Variants in CTIF observed in about 807,000 individuals in gnomAD.
The protein encoded by CTIF is CBP80/20-dependent translation initiation factor.
Under a neutral mutation model 66.0 loss-of-function variants are expected in CTIF, and 21 were observed. The ratio of observed to expected loss-of-function variants is 0.32; its 90% confidence interval spans 0.23 to 0.46. The LOEUF (loss-of-function observed/expected upper bound fraction) is 0.46, where lower values mean the gene tolerates loss of function less well. Among genes scored for constraint, CTIF ranks in the 20% least tolerant of loss-of-function variants. The pLI is 1.00. For synonymous variants in CTIF, 345 were observed against 326.4 expected, an observed-to-expected ratio of 1.06 and a Z score of -0.62; for missense variants, 739 against 812.7, an observed-to-expected ratio of 0.91 and a Z score of 1.10.
chr18:48,639,409 A>C (rs1431464684), intron 3 of CTIF, among the ~76,000 whole-genome samples: 2 of 152,004 alleles, frequency 1.3e-5, no homozygotes, highest in Non-Finnish European at 2.9e-5. Flanking sequence ...AAAAAAATGC[A>C]CCCTGCACGG....
At chr18:48,613,820 C>T (rs924726766) in intron 1 of CTIF, among the ~76,000 whole-genome samples, 33 of 152,186 alleles carry the variant, frequency 2.2e-4, no homozygotes, top group Admixed American at 6.5e-4. Flanking sequence ...TGCTGCAGCC[C>T]GGGCCCTCTG....
At chr18:48,790,154 G>A (rs1381202317) in intron 9 of CTIF, among the ~76,000 whole-genome samples, 1 of 152,220 alleles carries the variant, frequency 6.6e-6, no homozygotes, top group East Asian at 1.9e-4. Flanking sequence ...TATGTCCTTT[G>A]GAGAAGGAAA....
At chr18:48,706,236 A>G (rs2092152345) in intron 6 of CTIF, among the ~76,000 whole-genome samples, 2 of 152,178 alleles carry the variant, frequency 1.3e-5, no homozygotes, top group African/African-American at 2.4e-5. Context: ...TCATTAGAAT[A>G]TGTGCTCTGT....
At chr18:48,548,355 G>A (rs1413836014) in intron 1 of CTIF, among the ~76,000 whole-genome samples, 1 of 152,224 alleles carries the variant, frequency 6.6e-6, no homozygotes, top group Non-Finnish European at 1.5e-5. Context: ...AAAGTGACCT[G>A]CTAGAGAATT....
At chr18:48,746,735 A>C (rs1401195346) in intron 7 of CTIF, among the ~76,000 whole-genome samples, 1 of 152,026 alleles carries the variant, frequency 6.6e-6, no homozygotes, top group Non-Finnish European at 1.5e-5. Flanking sequence ...TGCCAAGTCC[A>C]GCCCCCTGGC....
At chr18:48,694,857 C>T (rs992509361) in intron 6 of CTIF, among the ~76,000 whole-genome samples, 1 of 151,152 alleles carries the variant, frequency 6.6e-6, no homozygotes, top group Admixed American at 6.6e-5. Context: ...ACAGGACTTA[C>T]AATTTCCTAG....
intron 3 of CTIF, among the ~76,000 whole-genome samples, chr18:48,654,980 G>C (rs1285523267): frequency 6.6e-6 from 1 of 152,094 alleles, no homozygotes; most frequent in Admixed American, 6.5e-5. Flanking sequence ...GTGTGGGGTG[G>C]GGGGCAGGGG....
chr18:48,579,295 G>A (rs1390409575), intron 1 of CTIF, among the ~76,000 whole-genome samples: 1 of 152,068 alleles, frequency 6.6e-6, no homozygotes, highest in Non-Finnish European at 1.5e-5. Flanking sequence ...TACAGTGCAT[G>A]CTACCATGCC....
intron 9 of CTIF, among the ~76,000 whole-genome samples, chr18:48,797,845 G>GCACGGCCGAGTGA (rs1555695636): frequency 6.6e-6 from 1 of 152,006 alleles, no homozygotes; most frequent in African/African-American, 2.4e-5. Context: ...ATGCAGCTCA[G>GCACGGCCGAGTGA]CAAGGCCGAG....
At chr18:48,697,645 C>T (rs557358272) in intron 6 of CTIF, among the ~76,000 whole-genome samples, 6 of 152,210 alleles carry the variant, frequency 3.9e-5, no homozygotes, top group African/African-American at 1.4e-4. Context: ...GGCAGGAACC[C>T]GGGTATCCTG....
chr18:48,544,079 G>C (rs2088689354), intron 1 of CTIF, among the ~76,000 whole-genome samples: 1 of 152,180 alleles, frequency 6.6e-6, no homozygotes, highest in Non-Finnish European at 1.5e-5. Flanking sequence ...GGATGCGTGT[G>C]TACTTTTCTA....
chr18:48,625,787 C>T (rs1162484571), intron 2 of CTIF, among the ~76,000 whole-genome samples: 1 of 152,126 alleles, frequency 6.6e-6, no homozygotes, highest in African/African-American at 2.4e-5. Flanking sequence ...TCTAAATTTT[C>T]CCCTGGAAAT....
chr18:48,839,501 C>T (rs1426768253), intron 10 of CTIF, among the ~76,000 whole-genome samples: 1 of 152,204 alleles, frequency 6.6e-6, no homozygotes, highest in East Asian at 1.9e-4. Context: ...ACCCCACATC[C>T]TCTTCTTTAA....
chr18:48,612,247 A>G (rs1009944474), intron 1 of CTIF, among the ~76,000 whole-genome samples: 25 of 152,244 alleles, frequency 1.6e-4, no homozygotes, highest in African/African-American at 6.0e-4. Context: ...CTGGGGCTGG[A>G]GGGACGCGGT....
At chr18:48,779,177 CAG>C (rs1437713842) in intron 9 of CTIF, among the ~76,000 whole-genome samples, 5 of 152,182 alleles carry the variant, frequency 3.3e-5, no homozygotes, top group African/African-American at 7.2e-5. Context: ...GGGTTCCTGT[CAG>C]GGGTCCAACA....
At chr18:48,698,295 G>A (rs552510563) in intron 6 of CTIF, among the ~76,000 whole-genome samples, 6 of 151,902 alleles carry the variant, frequency 3.9e-5, no homozygotes, top group East Asian at 1.9e-4. Flanking sequence ...GGAACCTGTC[G>A]CAGGAGATGC....
At chr18:48,679,596 G>A (rs890074362) in intron 6 of CTIF, among the ~76,000 whole-genome samples, 2 of 152,164 alleles carry the variant, frequency 1.3e-5, no homozygotes, top group African/African-American at 2.4e-5. Context: ...ACTGTTGGGG[G>A]AGTCTTCTGC....
chr18:48,610,677 C>T (rs1267850606), intron 1 of CTIF, among the ~76,000 whole-genome samples: 1 of 152,252 alleles, frequency 6.6e-6, no homozygotes, highest in Non-Finnish European at 1.5e-5. Flanking sequence ...GAATCCATGG[C>T]ATCTCCCTTG....
intron 5 of CTIF, among the ~76,000 whole-genome samples, chr18:48,666,517 T>G (rs948860658): frequency 3.9e-5 from 6 of 152,296 alleles, no homozygotes; most frequent in African/African-American, 1.4e-4. Context: ...TCCTTAAAAT[T>G]TTCTGCAAAT....
Sources: allele counts gnomAD v4.1 joint callset (sites outside exome capture counted in the v4.1 genomes callset), GRCh38; gene constraint gnomAD v4.1.1; transcripts MANE v1.5; gene names NCBI Gene and HGNC (gene_info 2026-07-23, HGNC 2026-07-21).